The following ZNF385D variants were observed in gnomAD, a reference collection of about 807,000 sequenced individuals.
ZNF385D encodes the protein zinc finger protein 659.
Under a neutral mutation model 35.8 loss-of-function variants are expected in ZNF385D, and 15 were observed. That is an observed-to-expected ratio of 0.42 (90% confidence interval 0.28 to 0.64). ZNF385D has a LOEUF of 0.64. Ranked by LOEUF, ZNF385D falls within the 30% of genes least tolerant of loss-of-function variation. The pLI is 0.23. For missense variants in ZNF385D, 474 were observed against 494.6 expected (o/e 0.96, Z 0.39); for synonymous variants, 212 against 186.8 (o/e 1.13, Z -1.10).
Position 21,975,346 on chromosome 3 carries a change from T to A in ZNF385D, c.325+193471A>T, listed in dbSNP as rs1232823912. On this transcript the variant is annotated intron_variant, in intron 3 of 5. Transcript: ENST00000494108. Reference sequence around the variant, plus strand: ...TATGTTCTCACTTATTGGTGGGAGCTAAAAATTAAAACAATGCAACTCATG... The same window carrying A: ...TATGTTCTCACTTATTGGTGGGAGCAAAAAATTAAAACAATGCAACTCATG... 2.0e-5 allele frequency among the ~76,000 whole-genome samples: 3 copies of A among 152,098 alleles called. No individual in the cohort carries two copies. In the East Asian group the frequency reaches 5.8e-4, roughly 29 times the overall value.
chr3:22,257,760 G>C (rs1276732234), intron 2 of ZNF385D, among the ~76,000 whole-genome samples: 2 of 151,688 alleles, frequency 1.3e-5, no homozygotes, highest in African/African-American at 4.8e-5. Flanking sequence ...CAAATAAGTA[G>C]GGTAAAACTG....
intron 3 of ZNF385D, among the ~76,000 whole-genome samples, chr3:21,850,184 T>C (rs1319509271): frequency 6.6e-6 from 1 of 152,158 alleles, no homozygotes; most frequent in Non-Finnish European, 1.5e-5. Context: ...ATACTCACTT[T>C]ATCAAACATT....
At chr3:21,875,403 C>A (rs1358221019) in intron 3 of ZNF385D, among the ~76,000 whole-genome samples, 4 of 151,952 alleles carry the variant, frequency 2.6e-5, no homozygotes, top group Non-Finnish European at 5.9e-5. Flanking sequence ...TGCTTTGGAT[C>A]CCACTTTAGT....
chr3:22,322,994 T>A (rs962458012), intron 2 of ZNF385D, among the ~76,000 whole-genome samples: 1 of 152,206 alleles, frequency 6.6e-6, no homozygotes, highest in African/African-American at 2.4e-5. Context: ...TTGGGATCTG[T>A]AGGACTGTAG....
chr3:22,057,069 T>A (rs927061782), intron 3 of ZNF385D, among the ~76,000 whole-genome samples: 3 of 152,218 alleles, frequency 2.0e-5, no homozygotes, highest in Non-Finnish European at 4.4e-5. Flanking sequence ...ATATTGAAAC[T>A]AATAATTTAA....
At position 21,912,389 on chromosome 3, in the gene ZNF385D, G is replaced by A. The variant is rs566138761; in HGVS notation, c.326-247361C>T. On this transcript the variant is annotated intron_variant, in intron 3 of 5. Transcript: ENST00000494108. ...ACAGTTAACATCAAGTTTTAAGAGGGTAATCTCTTACAATATTTAGAGAGA... is the reference window on the plus strand; with the variant it reads ...ACAGTTAACATCAAGTTTTAAGAGGATAATCTCTTACAATATTTAGAGAGA... Among the ~76,000 whole-genome samples, 8 of 152,138 alleles carry A rather than the reference G, an allele frequency of 5.3e-5. No individual in the cohort carries two copies. The East Asian group carries it at 1.5e-3, about 29-fold the overall frequency.
At chr3:22,001,999 A>C (rs75066772) in intron 3 of ZNF385D, among the ~76,000 whole-genome samples, 16,365 of 151,966 alleles carry the variant, frequency 0.11, 1,173 homozygotes, top group South Asian at 0.26. Flanking sequence ...GTAGATTTCA[A>C]ATAAACAAAC....
Position 21,909,902 on chromosome 3 carries a change from T to C in ZNF385D, c.326-244874A>G, listed in dbSNP as rs552672158. Among the ~76,000 whole-genome samples the C allele has an allele frequency of 2.6e-5, 4 of 152,066 alleles. No individual in the cohort carries two copies. The South Asian group carries it at 6.2e-4, about 24-fold the overall frequency. The stretch of plus-strand genomic sequence containing the variant: ...GCCTAGCTTTATGAATAATGTATCA[T>C]TGTTGATATATGGAATAAACATTTT... On this transcript the variant is annotated intron_variant, in intron 3 of 5. Transcript: ENST00000494108.
intron 2 of ZNF385D, among the ~76,000 whole-genome samples, chr3:22,207,398 G>A (rs1451650578): frequency 6.6e-6 from 1 of 151,802 alleles, no homozygotes; most frequent in Non-Finnish European, 1.5e-5. Flanking sequence ...ATATGCAGAA[G>A]AAAACAAAGC....
chr3:21,767,817 C>T (rs1018226170), intron 3 of ZNF385D, among the ~76,000 whole-genome samples: 4 of 151,928 alleles, frequency 2.6e-5, no homozygotes, highest in Admixed American at 1.3e-4. Flanking sequence ...TTTTGGAACG[C>T]TTTAGTAATT....
At chr3:22,358,572 AAT>A (rs1487150756) in intron 2 of ZNF385D, among the ~76,000 whole-genome samples, 3 of 151,794 alleles carry the variant, frequency 2.0e-5, no homozygotes, top group Non-Finnish European at 4.4e-5. Flanking sequence ...GCGGTCATAA[AAT>A]AAGTGGGCAT....
At chr3:22,217,007 A>G (rs1390346611) in intron 2 of ZNF385D, among the ~76,000 whole-genome samples, 1 of 152,098 alleles carries the variant, frequency 6.6e-6, no homozygotes, top group Non-Finnish European at 1.5e-5. Flanking sequence ...AATAACATCT[A>G]TTGCATTAAA....
chr3:22,147,743 C>A (rs868267350), intron 3 of ZNF385D, among the ~76,000 whole-genome samples: 3 of 152,052 alleles, frequency 2.0e-5, no homozygotes, highest in African/African-American at 7.2e-5. Flanking sequence ...ATATTTTCTC[C>A]ACAATGAAAG....
chr3:21,669,224 A>G (rs1326688384), intron 1 of ZNF385D, among the ~76,000 whole-genome samples: 5 of 152,210 alleles, frequency 3.3e-5, no homozygotes, highest in Non-Finnish European at 7.4e-5. Flanking sequence ...TAAAGTCAAC[A>G]AATGACAAAA....
At chr3:21,905,070 A>C (rs751420429) in intron 3 of ZNF385D, among the ~76,000 whole-genome samples, 2 of 152,080 alleles carry the variant, frequency 1.3e-5, no homozygotes, top group Non-Finnish European at 2.9e-5. Flanking sequence ...AGTTGAACAC[A>C]TCTTTGACTT....
chr3:22,160,391 G>T (rs1033384683), intron 3 of ZNF385D, among the ~76,000 whole-genome samples: 1 of 152,002 alleles, frequency 6.6e-6, no homozygotes, highest in Non-Finnish European at 1.5e-5. Flanking sequence ...AGATCAAAAG[G>T]TGAGACAAAT....
intron 3 of ZNF385D, among the ~76,000 whole-genome samples, chr3:21,982,631 G>C (rs902412018): frequency 6.6e-6 from 1 of 152,132 alleles, no homozygotes; most frequent in Non-Finnish European, 1.5e-5. Flanking sequence ...TTGAACAAAA[G>C]TGGTGACAGA....
chr3:21,919,375 G>T (rs906315367), intron 3 of ZNF385D, among the ~76,000 whole-genome samples: 1 of 152,158 alleles, frequency 6.6e-6, no homozygotes, highest in Non-Finnish European at 1.5e-5. Flanking sequence ...TTTCTAGGAT[G>T]GAATGTTCTA....
chr3:22,228,164 G>A (rs1198181926), intron 2 of ZNF385D, among the ~76,000 whole-genome samples: 1 of 152,192 alleles, frequency 6.6e-6, no homozygotes, highest in Non-Finnish European at 1.5e-5. Flanking sequence ...GTGAGACGAT[G>A]AGCAGAGATG....
Sources: allele counts gnomAD v4.1 joint callset (sites outside exome capture counted in the v4.1 genomes callset), GRCh38; gene constraint gnomAD v4.1.1; transcripts MANE v1.5; gene names NCBI Gene and HGNC (gene_info 2026-07-23, HGNC 2026-07-21).